FGFR1: variants seen among roughly 807,000 people sequenced by gnomAD.
The protein encoded by FGFR1 is FGFR1/PLAG1 fusion.
In FGFR1, 18 loss-of-function variants were observed where a neutral mutation model predicts 93.7. The ratio of observed to expected loss-of-function variants is 0.19; its 90% CI spans 0.13 to 0.28. The LOEUF (loss-of-function observed/expected upper bound fraction) is 0.28, where lower values mean the gene tolerates loss of function less well. FGFR1 is among the 10% of genes least tolerant of loss of function. FGFR1 has a pLI of 1.00. For synonymous variants in FGFR1, 448 were observed against 429.3 expected (o/e 1.04, Z -0.54); for missense variants, 731 against 1,080.4 (o/e 0.68, Z 4.53).
intron 1 of FGFR1, 119 bp from the exon 2 acceptor site, chr8:38,457,653 TC>T: frequency 1.0e-6 from 1 of 980,826 alleles, no homozygotes; most frequent in Non-Finnish European, 1.5e-6. Flanking sequence ...TACTAAGGCG[TC>T]CAGAAGAAAA....
rs1234460224 is a variant in FGFR1 at position 38,426,841 on chromosome 8, G to A, written c.622-596C>T. ...ATTTAAAATATTTCTGGCTGGGTGC[G>A]GTGGCTCAAGCCTGTAATCCCAGCT... On this transcript the variant is annotated intron_variant, in intron 5 of 17. Coordinates refer to ENST00000447712, the MANE Select transcript of FGFR1 (RefSeq NM_023110.3). This position sits in a 1 kb window ranked among gnomAD's most constrained non-coding sequence, Gnocchi z 4.1. Among the ~76,000 whole-genome samples, 4 of 152,168 alleles carry A rather than the reference G, an allele frequency of 2.6e-5. No individual in the cohort carries two copies. The highest frequency in any genetic ancestry group is 1.9e-4 in the East Asian group (1 of 5,198).
chr8:38,419,499 T>C (rs1817931114), intron 9 of FGFR1, 34 bp downstream of exon 9: 3 of 1,574,146 alleles, frequency 1.9e-6, no homozygotes, highest in Admixed American at 1.7e-5. Context: ...GAGAGAGAGG[T>C]GGTGCTGAGT....
intron 1 of FGFR1, chr8:38,458,820 A>G (rs1182866260): frequency 4.5e-6 from 1 of 221,160 alleles, no homozygotes; most frequent in Non-Finnish European, 9.0e-6. Flanking sequence ...CCTTGCAGAG[A>G]GAAGAAAACC....
chr8:38,440,965 AG>A (rs922395505), intron 2 of FGFR1, among the ~76,000 whole-genome samples: 1 of 152,214 alleles, frequency 6.6e-6, no homozygotes, highest in African/African-American at 2.4e-5. Flanking sequence ...TATTAAAAAA[AG>A]ATTTCGGCCT....
chr8:38,427,983 T>G lies in FGFR1; in HGVS notation c.559A>C (p.Thr187Pro). Residue 187 changes from threonine to proline, a missense_variant, in exon 5 of 18, where the codon ACA becomes CCA. Around this residue, in one of 10 missense-constraint regions of FGFR1, gnomAD observed 109 missense variants for 249.4 expected, o/e 0.44. Coordinates refer to ENST00000447712, the MANE Select transcript of FGFR1 (RefSeq NM_023110.3). ...TTGCCATTTTTCAACCAGCGCAGTG[T>G]GGGGTTTGGGGTCCCACTGGAAGGG... The part of the protein sequence containing the change: ...KCPSSGTPNP[T>P]LRWLKNGKEF... 1 of 1,614,252 alleles carries G rather than the reference T, an allele frequency of 6.2e-7. No individual in the cohort carries two copies. The highest frequency in any genetic ancestry group is 8.5e-7 in the Non-Finnish European group (1 of 1,180,056).
chr8:38,413,636 GT>G lies in FGFR1; in HGVS notation c.2460del (p.Lys820AsnfsTer18). The G allele has an allele frequency of 1.9e-6, 3 of 1,610,124 alleles. No homozygotes were observed. The highest frequency in any genetic ancestry group is 2.5e-6 in the Non-Finnish European group (3 of 1,178,752). On this transcript the variant is annotated frameshift_variant, in exon 18 of 18. Coordinates refer to ENST00000447712, the MANE Select transcript of FGFR1 (RefSeq NM_023110.3). LOFTEE classifies it high-confidence loss of function. This position sits in a 1 kb window ranked among gnomAD's most constrained non-coding sequence, Gnocchi z 4.2. ...GGGCGTGTGGGTGGCAGTCAGCGGC[GT>G]TTGAGTCCGCCATTGGCAAGCTGGG... ...HPAQLANGGL[K>X]RR
At chr8:38,431,839 A>G (rs1377799473) in intron 2 of FGFR1, among the ~76,000 whole-genome samples, 1 of 152,260 alleles carries the variant, frequency 6.6e-6, no homozygotes, top group Non-Finnish European at 1.5e-5. Context: ...CTGATTAAAA[A>G]TAAGCTTTTG....
At chr8:38,466,580 C>T (rs1835562218) in intron 1 of FGFR1, 1 of 230,384 alleles carries the variant, frequency 4.3e-6, no homozygotes, top group Non-Finnish European at 8.6e-6. Flanking sequence ...TTAAATAACT[C>T]GGGATCCAAG....
At chr8:38,452,141 G>A (rs185758345) in intron 2 of FGFR1, among the ~76,000 whole-genome samples, 1 of 151,828 alleles carries the variant, frequency 6.6e-6, no homozygotes, top group Non-Finnish European at 1.5e-5. Flanking sequence ...CTTGCAGACT[G>A]AGGGGCGTTG....
intron 1 of FGFR1, among the ~76,000 whole-genome samples, chr8:38,464,177 A>G (rs1013392344): frequency 1.3e-5 from 2 of 152,032 alleles, no homozygotes; most frequent in African/African-American, 4.8e-5. Flanking sequence ...TTAGCCGGAC[A>G]TGGTGGCGCA....
Position 38,426,366 on chromosome 8 carries a change from G to T in FGFR1, c.622-121C>A. 7.0e-7 allele frequency: 1 copy of T among 1,437,306 alleles called. No individual in the cohort carries two copies. Among genetic ancestry groups the T allele is most frequent in the Non-Finnish European group, 9.7e-7 (1 of 1,033,776 alleles). 89.0% of individuals were successfully genotyped at this position (1,437,306 alleles called of 1,614,324 possible). A position where few individuals can be genotyped will look rare whatever the true frequency, so the allele number is the denominator to read the frequency against. ...AGAGCCTGGTGGCACAGGGCCCCAG[G>T]CTGCAGGGTTGGCTAGGACAAGGCG... On this transcript the variant is annotated intron_variant, in intron 5 of 17. Coordinates refer to ENST00000447712, the MANE Select transcript of FGFR1 (RefSeq NM_023110.3). The surrounding 1 kb of genome is among the most constrained non-coding windows in gnomAD (Gnocchi z 4.1).
Position 38,429,462 on chromosome 8 carries a change from G to A in FGFR1, c.358+220C>T. The A allele has an allele frequency of 1.4e-6, 1 of 704,246 alleles. No individual in the cohort carries two copies. Among genetic ancestry groups the A allele is most frequent in the South Asian group, 1.5e-5 (1 of 66,510 alleles). The allele number at this position is 704,246 out of a possible 1,614,324, so 43.6% of individuals were successfully genotyped here. ...GCAATCACCTCCGAGGTGTGTCCTG[G>A]AAGCCCCAGATCTCCGGCCCTGGGG... On this transcript the variant is annotated intron_variant, in intron 3 of 17. Coordinates refer to ENST00000447712, the MANE Select transcript of FGFR1 (RefSeq NM_023110.3). This position sits in a 1 kb window ranked among gnomAD's most constrained non-coding sequence, Gnocchi z 4.4.
intron 2 of FGFR1, among the ~76,000 whole-genome samples, chr8:38,431,896 T>G (rs893807583): frequency 6.6e-6 from 1 of 152,144 alleles, no homozygotes; most frequent in Non-Finnish European, 1.5e-5. Context: ...GGTCTGTGGT[T>G]TTGCCAAACG....
chr8:38,434,326 CTGCTTTT>C (rs1317679123), intron 2 of FGFR1: 32 of 185,122 alleles, frequency 1.7e-4, no homozygotes, highest in African/African-American at 6.6e-4. Flanking sequence ...CATATTGCTG[CTGCTTTT>C]TTTTTTTTTT....
In FGFR1 at chr8:38,415,988, G is replaced by A. The variant is rs1175162486; in HGVS notation, c.1736C>T (p.Pro579Leu). ...LREYLQARRP[P>L]GLEYCYNPSH... is the part of the protein sequence containing the mutation. ...GGGGTTGTAGCAGTATTCCAGCCCT[G>A]GGGGCCTCCGGGCCTGCAGGTACTC... is the stretch of plus-strand genomic sequence containing the variant. Residue 579 changes from proline (P) to leucine (L), a missense_variant, in exon 13 of 18, where the codon CCA (proline) becomes CTA (leucine). Around this residue, in one of 10 missense-constraint regions of FGFR1, gnomAD observed 39 missense variants for 39.2 expected, o/e 1.00. Transcript: ENST00000447712. 3 of 1,613,972 alleles carry A rather than the reference G, an allele frequency of 1.9e-6. No individual in the cohort carries two copies. The East Asian group carries it at 6.7e-5, about 36-fold the overall frequency.
rs895282995 is a variant in FGFR1 at position 38,422,212 on chromosome 8, G to A, written c.937-271C>T. The A allele has an allele frequency of 1.9e-4, 99 of 507,800 alleles. 1 individual carries two copies. The highest frequency in any genetic ancestry group is 3.0e-4 in the Non-Finnish European group (83 of 278,876). The allele number at this position is 507,800 out of a possible 1,614,324, so 31.5% of individuals were successfully genotyped here. A position where few individuals can be genotyped will look rare whatever the true frequency, so the allele number is the denominator to read the frequency against. On this transcript the variant is annotated intron_variant, in intron 7 of 17. Transcript: ENST00000447712. The stretch of plus-strand genomic sequence containing the variant: ...GATGCTGGCAGCCACTGGCCCATCC[G>A]AGCATGCGGGCGGTGAGCGGCATGG...
In FGFR1 at chr8:38,412,715, C is replaced by T. The variant is rs886062912; in HGVS notation, c.*913G>A. The T allele has an allele frequency of 3.4e-5, 8 of 233,508 alleles. No homozygotes were observed. The highest frequency in any genetic ancestry group is 1.1e-4 in the Admixed American group (2 of 17,782). 14.5% of individuals were successfully genotyped at this position (233,508 alleles called of 1,614,324 possible). A position where few individuals can be genotyped will look rare whatever the true frequency, so the allele number is the denominator to read the frequency against. The stretch of plus-strand genomic sequence containing the variant: ...AGTGGACATTCCCACCCTTTTCATA[C>T]AGCCCATAGATAAATGAAGCAGCAG... On this transcript the variant is annotated 3_prime_UTR_variant, in exon 18 of 18. Coordinates refer to ENST00000447712, the MANE Select transcript of FGFR1 (RefSeq NM_023110.3).
chr8:38,463,970 TAA>T (rs34379209), intron 1 of FGFR1, among the ~76,000 whole-genome samples: 1 of 145,066 alleles, frequency 6.9e-6, no homozygotes, highest in East Asian at 2.0e-4. Flanking sequence ...TGAGTCTCTT[TAA>T]AAAAAAAAAG....
At chr8:38,419,866 T>A in intron 8 of FGFR1, 131 bp from the exon 9 acceptor site, 1 of 718,870 alleles carries the variant, frequency 1.4e-6, no homozygotes, top group Non-Finnish European at 2.4e-6. Context: ...TGGCAAGTTC[T>A]AGCTAGGACT....
Sources: gnomAD v4.1 joint callset for allele counts (sites outside exome capture counted in the v4.1 genomes callset) on GRCh38, gnomAD v4.1.1 for gene constraint, gnomAD v4.1.1 regional missense constraint, Gnocchi (gnomAD v3.1) non-coding constraint, MANE v1.5 for transcripts, NCBI Gene and HGNC (gene_info 2026-07-23, HGNC 2026-07-21) for gene names.